OBSL1: variants seen among roughly 807,000 people sequenced by gnomAD.
OBSL1 encodes the protein obscurin-like protein 1.
Under a neutral mutation model 172.0 loss-of-function variants are expected in OBSL1, and 160 were observed. The observed-to-expected ratio is 0.93, with a 90% CI of 0.82 to 1.06. OBSL1 has a LOEUF of 1.06. Among genes scored for constraint, OBSL1 ranks in the 50% least tolerant of loss-of-function variants. The pLI is 0.00. For synonymous variants in OBSL1, 1,200 were observed against 1,196.3 expected (o/e 1.00, Z -0.06); for missense variants, 2,681 against 2,715.4 (o/e 0.99, Z 0.28).
rs115417324 is a variant in OBSL1, at chr2:219,559,292, G to C, written c.3159C>G (p.Pro1053=). ...CACATACAAACTCGCCCCCGTCCTC[G>C]GGCTGAGCAGCAGGTAGCACCAGGC... The part of the protein sequence containing the change: ...RCRLVLPAAQ[P]EDGGEFVCDA... Residue 1053 remains proline (P), a synonymous_variant, in exon 9 of 21, where the codon CCC becomes CCG. Transcript: ENST00000404537. 1 of 1,613,784 alleles carries C rather than the reference G, an allele frequency of 6.2e-7. No individual in the cohort carries two copies. Among genetic ancestry groups the C allele is most frequent in the Non-Finnish European group, 8.5e-7 (1 of 1,179,798 alleles).
chr2:219,568,785 C>A lies in OBSL1; in HGVS notation c.1013-461G>T, dbSNP rs1697122122. Among the ~76,000 whole-genome samples, 1 of 151,468 alleles carries A rather than the reference C, an allele frequency of 6.6e-6. No individual in the cohort carries two copies. The highest frequency in any genetic ancestry group is 2.1e-4 in the South Asian group (1 of 4,802). The stretch of plus-strand genomic sequence containing the variant: ...TTTGAGATGGAGTCTCGCTCTGTTG[C>A]CCAGGCTGGAGTGCAGTCGCGCAAT... On this transcript the variant is annotated intron_variant, in intron 1 of 20. Transcript: ENST00000404537. This position sits in a 1 kb window ranked among gnomAD's most constrained non-coding sequence, Gnocchi z 4.1.
chr2:219,549,006 G>A (rs1272566789), downstream of OBSL1: 2 of 818,458 alleles, frequency 2.4e-6, no homozygotes, highest in Non-Finnish European at 4.0e-6. Flanking sequence ...TAGGAGACCA[G>A]GAAAGGAAGT....
rs886055671 is a variant in OBSL1, at chr2:219,571,329, T to C, written c.-97A>G. The C allele has an allele frequency of 1.5e-5, 11 of 735,968 alleles. No individual in the cohort carries two copies. The highest frequency in any genetic ancestry group is 6.3e-5 in the South Asian group (1 of 15,944). The allele number at this position is 735,968 out of a possible 1,614,324, so 45.6% of individuals were successfully genotyped here. On this transcript the variant is annotated 5_prime_UTR_variant, in exon 1 of 21. Coordinates refer to ENST00000404537, the MANE Select transcript of OBSL1 (RefSeq NM_015311.3). The stretch of plus-strand genomic sequence containing the variant: ...CGGGGCGGCGGGGTCGGGGCGCGGC[T>C]GGGGACTGGGCGCGGGGACCCGCGG...
At chr2:219,564,795 G>T (rs1164938560) in intron 6 of OBSL1, among the ~76,000 whole-genome samples, 1 of 152,116 alleles carries the variant, frequency 6.6e-6, no homozygotes, top group African/African-American at 2.4e-5. Context: ...AAGAAAGAAA[G>T]CCAGGCATGG....
rs1697244871 is a variant in OBSL1 at position 219,570,300 on chromosome 2, G to A, written c.933C>T (p.Ala311=). ...CGCAGACGTAGAGCCCACGATCCTT[G>A]GCCTGGCAGTAAAGCACCTTGAGCA... ...GFVLKVLYCQ[A]KDRGLYVCAA... is the part of the protein sequence containing the mutation. Residue 311 remains alanine (A), a synonymous_variant, in exon 1 of 21, where the codon GCC becomes GCT. Coordinates refer to ENST00000404537, the MANE Select transcript of OBSL1 (RefSeq NM_015311.3). The A allele has an allele frequency of 6.2e-7, 1 of 1,610,320 alleles. No individual in the cohort carries two copies. The highest frequency in any genetic ancestry group is 2.2e-5 in the East Asian group (1 of 44,762).
downstream of OBSL1, chr2:219,549,594 G>A (rs1029484474): frequency 2.1e-6 from 3 of 1,461,562 alleles, no homozygotes; most frequent in Non-Finnish European, 2.8e-6. Context: ...TGGGGTCTCA[G>A]GGCTGTGGAC....
rs756662437 is a variant in OBSL1, at chr2:219,570,543, G to A, written c.690C>T (p.Pro230=). ...AGALLQVHQP[P]ESPPADPDEA... is the part of the protein sequence containing the mutation. ...CGTCGGGGTCCGCGGGCGGGCTCTC[G>A]GGGGGCTGGTGCACCTGGAGCAGCG... The change falls in exon 1 of 21, where the codon CCC becomes CCT. Residue 230 remains proline, a synonymous_variant. Transcript: ENST00000404537. 1.9e-6 allele frequency: 3 copies of A among 1,603,160 alleles called. No individual in the cohort carries two copies. The highest frequency in any genetic ancestry group is 2.6e-6 in the Non-Finnish European group (3 of 1,175,738).
intron 8 of OBSL1, among the ~76,000 whole-genome samples, chr2:219,560,882 G>A (rs1696414058): frequency 6.6e-6 from 1 of 152,210 alleles, no homozygotes; most frequent in South Asian, 2.1e-4. Flanking sequence ...ATGGGACCGG[G>A]TGGCTGCCCA....
chr2:219,553,095 G>A, intron 16 of OBSL1, 71 bp from the exon 17 acceptor site: 1 of 1,406,374 alleles, frequency 7.1e-7, no homozygotes, highest in Non-Finnish European at 9.2e-7. Context: ...CTGGCAGGCG[G>A]CGCACCCTTT....
At chr2:219,566,536 C>G (rs1420989849) in intron 5 of OBSL1, among the ~76,000 whole-genome samples, 1 of 152,200 alleles carries the variant, frequency 6.6e-6, no homozygotes, top group Non-Finnish European at 1.5e-5. Flanking sequence ...CAGCCAGGGT[C>G]TGTGTCTTTC....
In OBSL1 at chr2:219,562,505, G is replaced by A; in HGVS notation, c.2850C>T (p.Asp950=). The change falls in exon 8 of 21, where the codon GAC becomes GAT. Residue 950 remains aspartate (D), a synonymous_variant. Transcript: ENST00000404537. ...CGGGCAGCACCAGGCGGCGGACAGT[G>A]TCTTCCTTCTGCAGGAGCAGCGCGG... ...ESPALLLQKE[D]TVRRLVLPAV... is the part of the protein sequence containing the mutation. The A allele has an allele frequency of 6.2e-7, 1 of 1,613,966 alleles. No individual in the cohort carries two copies. The highest frequency in any genetic ancestry group is 2.2e-5 in the East Asian group (1 of 44,892).
intron 5 of OBSL1, 140 bp downstream of exon 5, chr2:219,566,690 C>T: frequency 1.1e-6 from 1 of 931,144 alleles, no homozygotes; most frequent in Non-Finnish European, 1.5e-6. Context: ...ACCTCTGAGC[C>T]CTCAACCTCA....
chr2:219,569,208 G>A (rs1404967479), intron 1 of OBSL1: 3 of 152,164 alleles, frequency 2.0e-5, no homozygotes, highest in Non-Finnish European at 4.4e-5. Flanking sequence ...TTCCCTCCGG[G>A]CTTTTCTTTC....
rs769137933 is a variant in OBSL1 at position 219,558,211 on chromosome 2, C to A, written c.3475G>T (p.Ala1159Ser). Reference sequence around the variant, plus strand: ...GCCAGGATGACATTGAAGGTGATGGCCTCATGCCGGGTCTCACACACATAC... The same window carrying A: ...GCCAGGATGACATTGAAGGTGATGGACTCATGCCGGGTCTCACACACATAC... Reference protein sequence around the residue: ...GEYVCETRHEAITFNVILAEP... With the variant: ...GEYVCETRHESITFNVILAEP... The change falls in exon 10 of 21, where the codon GCC becomes TCC. Residue 1159 changes from alanine (A) to serine (S), a missense_variant. Transcript: ENST00000404537. The A allele has an allele frequency of 1.3e-5, 21 of 1,608,124 alleles. 1 individual carries two copies. The South Asian group carries it at 2.3e-4, about 18-fold the overall frequency.
At chr2:219,554,299 G>T in intron 15 of OBSL1, 175 bp downstream of exon 15, 2 of 764,102 alleles carry the variant, frequency 2.6e-6, no homozygotes, top group Non-Finnish European at 4.2e-6. Flanking sequence ...GAGGACTCTG[G>T]GGCCACACAG....
rs1466690344 is a variant in OBSL1, at chr2:219,570,598, C to A, written c.635G>T (p.Arg212Leu). The A allele has an allele frequency of 2.6e-6, 4 of 1,515,124 alleles. No homozygotes were observed. Among genetic ancestry groups the A allele is most frequent in the Non-Finnish European group, 3.5e-6 (4 of 1,135,930 alleles). The allele number at this position is 1,515,124 out of a possible 1,614,324, so 93.9% of individuals were successfully genotyped here. Residue 212 changes from arginine to leucine, a missense_variant, in exon 1 of 21, where the codon CGC becomes CTC. By Grantham distance (102) the Arg-to-Leu change is moderately radical. This residue lies in a region of OBSL1 where 706 missense variants were observed against 695.8 expected (regional missense o/e 1.01). Transcript: ENST00000404537. ...PDSGVYVCHA[R>L]NAHGHAQAGA... ...CGCCTGCGCGTGGCCGTGCGCGTTG[C>A]GGGCGTGGCACACGTAGACGCCGGA...
At chr2:219,570,038 C>T (rs1228641761) in intron 1 of OBSL1, among the ~76,000 whole-genome samples, 183 bp downstream of exon 1, 1 of 152,206 alleles carries the variant, frequency 6.6e-6, no homozygotes, top group Non-Finnish European at 1.5e-5. Context: ...CCTGAGTACC[C>T]TGGAGACCTA....
At chr2:219,549,396 G>A, downstream of OBSL1, 1 of 1,585,284 alleles carries the variant, frequency 6.3e-7, no homozygotes, top group South Asian at 1.1e-5. Flanking sequence ...AGAAGGAAGT[G>A]TGGAAACTCT....
In OBSL1 at chr2:219,556,034, C is replaced by G; in HGVS notation, c.4595G>C (p.Arg1532Thr). 6.2e-7 allele frequency: 1 copy of G among 1,613,556 alleles called. No homozygotes were observed. Among genetic ancestry groups the G allele is most frequent in the South Asian group, 1.1e-5 (1 of 91,078 alleles). The change falls in exon 14 of 21, where the codon AGG becomes ACG. Residue 1532 changes from arginine (R) to threonine (T), a missense_variant. Around this residue, in one of 5 missense-constraint regions of OBSL1, gnomAD observed 1,765 missense variants for 1,748.3 expected, o/e 1.01. Transcript: ENST00000404537. ...CESHHDRTLA[R>T]LSVRPRQLRV... ...GGGGCACTCACGCCTCACGCTGAGC[C>G]TGGCCAGGGTGCGATCGTGGTGGCT...
Sources: gnomAD v4.1 joint callset for allele counts (sites outside exome capture counted in the v4.1 genomes callset) on GRCh38, gnomAD v4.1.1 for gene constraint, gnomAD v4.1.1 regional missense constraint, Gnocchi (gnomAD v3.1) non-coding constraint, MANE v1.5 for transcripts, NCBI Gene and HGNC (gene_info 2026-07-23, HGNC 2026-07-21) for gene names.